The following CERS3 variants were observed in gnomAD, a reference collection of about 807,000 sequenced individuals.
CERS3 encodes the protein LAG1 homolog, ceramide synthase 3.
CERS3 carries 33 observed loss-of-function variants against 50.3 expected under a neutral mutation model. That is an observed-to-expected ratio of 0.66 (90% CI 0.50 to 0.88). CERS3 has a LOEUF of 0.88. Among genes scored for constraint, CERS3 ranks in the 40% least tolerant of loss-of-function variants. The pLI, the probability that CERS3 is intolerant of heterozygous loss-of-function variation, is 0.00. For synonymous variants in CERS3, 176 were observed against 155.2 expected (o/e 1.13, Z -0.99); for missense variants, 470 against 460.3 (o/e 1.02, Z -0.19).
intron 6 of CERS3, 27 bp downstream of exon 6, chr15:100,479,962 A>G (rs987277712): frequency 1.9e-6 from 3 of 1,552,388 alleles, no homozygotes; most frequent in Admixed American, 1.7e-5. Flanking sequence ...GACAAATTCC[A>G]ATCGAAGATA....
intron 10 of CERS3, among the ~76,000 whole-genome samples, chr15:100,460,148 G>A (rs2034503707): frequency 1.3e-5 from 2 of 152,042 alleles, no homozygotes; most frequent in Admixed American, 1.3e-4. Flanking sequence ...TTGCATACAT[G>A]TTATGCTTTA....
At chr15:100,443,183 C>T (rs7403197) in intron 11 of CERS3, among the ~76,000 whole-genome samples, 945 of 141,972 alleles carry the variant, frequency 6.7e-3, no homozygotes, top group East Asian at 0.026. Context: ...CCTTAACCCA[C>T]AAGTATAAGA....
chr15:100,424,092 C>A (rs1596635695), intron 11 of CERS3, among the ~76,000 whole-genome samples: 1 of 152,200 alleles, frequency 6.6e-6, no homozygotes. Flanking sequence ...CAGGTATGCA[C>A]CACCATGCTC....
intron 11 of CERS3, among the ~76,000 whole-genome samples, chr15:100,421,156 G>A (rs946448761): frequency 6.6e-6 from 1 of 151,840 alleles, no homozygotes; most frequent in Non-Finnish European, 1.5e-5. Flanking sequence ...CATGTTTGCA[G>A]ACAACATGAT....
intron 11 of CERS3, among the ~76,000 whole-genome samples, chr15:100,405,239 A>C (rs2030906127): frequency 1.9e-5 from 1 of 53,908 alleles, no homozygotes; most frequent in Non-Finnish European, 6.0e-5. Flanking sequence ...ATGGTAAAAA[A>C]AAAAAAAAAC....
intron 2 of CERS3, among the ~76,000 whole-genome samples, chr15:100,509,640 T>C (rs2036282087): frequency 1.3e-5 from 2 of 152,228 alleles, no homozygotes; most frequent in South Asian, 4.1e-4. Context: ...TTGGAGGATA[T>C]GAGTTGGCAA....
intron 11 of CERS3, among the ~76,000 whole-genome samples, chr15:100,413,519 ATACTATACTATACTATAC>A (rs780590168): frequency 5.9e-3 from 196 of 33,234 alleles, no homozygotes; most frequent in Non-Finnish European, 0.016. Context: ...CGACTATACT[ATACTATACTATACTATAC>A]TATACTATAC....
At chr15:100,477,285 C>T (rs34403186) in intron 7 of CERS3, among the ~76,000 whole-genome samples, 66,488 of 151,884 alleles carry the variant, frequency 0.44, 15,164 homozygotes, top group Middle Eastern at 0.54. Context: ...TTCTTAGGTC[C>T]CTTATTGTCT....
At chr15:100,412,082 G>T (rs1230821297) in intron 11 of CERS3, among the ~76,000 whole-genome samples, 2 of 152,020 alleles carry the variant, frequency 1.3e-5, no homozygotes, top group African/African-American at 2.4e-5. Flanking sequence ...CTCTGTTGAT[G>T]GTGTCTTTTG....
intron 5 of CERS3, among the ~76,000 whole-genome samples, chr15:100,480,318 G>A (rs1205272993): frequency 6.6e-6 from 1 of 152,174 alleles, no homozygotes; most frequent in Admixed American, 6.5e-5. Context: ...AACAGGTCTA[G>A]CATAAAGTAA....
At chr15:100,501,535 ACTCATCCCCAGAATC>A in intron 3 of CERS3, 127 bp downstream of exon 3, 1 of 664,942 alleles carries the variant, frequency 1.5e-6, no homozygotes. Context: ...GATTACATTA[ACTCATCCCCAGAATC>A]TGTGGCCCAT....
At chr15:100,514,048 G>A (rs1457499638) in intron 2 of CERS3, among the ~76,000 whole-genome samples, 1 of 152,086 alleles carries the variant, frequency 6.6e-6, no homozygotes, top group Non-Finnish European at 1.5e-5. Flanking sequence ...TTGGAGCCAG[G>A]CTCCTCAGGT....
At chr15:100,444,228 T>A (rs917788199) in intron 11 of CERS3, among the ~76,000 whole-genome samples, 1 of 152,198 alleles carries the variant, frequency 6.6e-6, no homozygotes, top group African/African-American at 2.4e-5. Context: ...ACAGCTCTCA[T>A]AACTTCCAAA....
intron 1 of CERS3, among the ~76,000 whole-genome samples, chr15:100,538,976 A>G (rs1447360421): frequency 6.6e-6 from 1 of 152,150 alleles, no homozygotes; most frequent in Non-Finnish European, 1.5e-5. Context: ...CCTCTTGAAC[A>G]CTTTACTTTT....
intron 11 of CERS3, among the ~76,000 whole-genome samples, chr15:100,411,248 G>A (rs574559610): frequency 2.0e-4 from 31 of 151,980 alleles, no homozygotes; most frequent in African/African-American, 5.5e-4. Context: ...CTGCAACCTC[G>A]CCTCCCTGGT....
intron 11 of CERS3, among the ~76,000 whole-genome samples, chr15:100,430,160 AAGTT>A (rs914423707): frequency 6.6e-5 from 10 of 151,834 alleles, no homozygotes; most frequent in Non-Finnish European, 1.2e-4. Context: ...AAAATACAAA[AAGTT>A]AGCCAGTTGT....
At chr15:100,448,295 G>A (rs116608727) in intron 11 of CERS3, among the ~76,000 whole-genome samples, 4,829 of 152,214 alleles carry the variant, frequency 0.032, 100 homozygotes, top group Admixed American at 0.066. Context: ...TAAGAGAAGA[G>A]TAGAATTCAA....
At chr15:100,410,430 A>G (rs2031390243) in intron 11 of CERS3, among the ~76,000 whole-genome samples, 1 of 152,166 alleles carries the variant, frequency 6.6e-6, no homozygotes, top group Non-Finnish European at 1.5e-5. Flanking sequence ...GAGAACATAC[A>G]ACACACCAGG....
At chr15:100,407,415 G>A (rs568855368) in intron 11 of CERS3, among the ~76,000 whole-genome samples, 1 of 152,348 alleles carries the variant, frequency 6.6e-6, no homozygotes, top group African/African-American at 2.4e-5. Flanking sequence ...GGGAGCAAAG[G>A]CTAGGGATGC....
Sources: gnomAD v4.1 joint callset for allele counts (sites outside exome capture counted in the v4.1 genomes callset) on GRCh38, gnomAD v4.1.1 for gene constraint, MANE v1.5 for transcripts, NCBI Gene and HGNC (gene_info 2026-07-23, HGNC 2026-07-21) for gene names.